Variants in MAST4 observed in about 807,000 individuals in gnomAD.
The protein encoded by MAST4 is microtubule-associated serine/threonine-protein kinase 4.
MAST4 carries 89 observed loss-of-function variants against 162.7 expected under a neutral mutation model. That is an observed-to-expected ratio of 0.55 (90% CI 0.46 to 0.65). The LOEUF is 0.65. MAST4 is among the 30% of genes least tolerant of loss of function. The pLI is 0.00. For synonymous variants in MAST4, 1,479 were observed against 1,361.1 expected (o/e 1.09, Z -1.91); for missense variants, 3,153 against 3,374.0 (o/e 0.93, Z 1.62).
intron 3 of MAST4, among the ~76,000 whole-genome samples, chr5:66,850,276 C>T (rs977094706): frequency 6.6e-5 from 10 of 152,152 alleles, no homozygotes; most frequent in Non-Finnish European, 8.8e-5. Context: ...CTTCATCTTT[C>T]GGTTAAGAAC....
chr5:66,691,319 A>G lies in MAST4; in HGVS notation c.364-68390A>G, dbSNP rs531370985. 4.6e-5 allele frequency among the ~76,000 whole-genome samples: 7 copies of G among 152,340 alleles called. 1 individual carries two copies. Among genetic ancestry groups the G allele is most frequent in the African/African-American group, 1.4e-4 (6 of 41,580 alleles). ...GGTTATGATAGCTTAATTTTAAATT[A>G]CTACTTTTTCAAGTGTCTTAACTCC... On this transcript the variant is annotated intron_variant, in intron 1 of 28. Transcript: ENST00000403625.
At chr5:66,760,756 T>G (rs1561312930) in intron 2 of MAST4, among the ~76,000 whole-genome samples, 1 of 152,212 alleles carries the variant, frequency 6.6e-6, no homozygotes, top group Non-Finnish European at 1.5e-5. Flanking sequence ...GGTTCTAGTG[T>G]TCTATACTAC....
At chr5:66,835,046 A>G (rs1169528562) in intron 3 of MAST4, among the ~76,000 whole-genome samples, 1 of 152,110 alleles carries the variant, frequency 6.6e-6, no homozygotes, top group Non-Finnish European at 1.5e-5. Flanking sequence ...ATGCACCTAC[A>G]CCACCCATCT....
intron 4 of MAST4, among the ~76,000 whole-genome samples, chr5:67,003,291 C>A (rs374867336): frequency 3.3e-5 from 5 of 152,080 alleles, no homozygotes; most frequent in Admixed American, 1.3e-4. Flanking sequence ...TTGCAAGGAT[C>A]TGTGGAGGCT....
chr5:66,960,885 C>A (rs188221003), intron 4 of MAST4, among the ~76,000 whole-genome samples: 1 of 152,224 alleles, frequency 6.6e-6, no homozygotes, highest in East Asian at 1.9e-4. Context: ...ACCTTGCCAG[C>A]GTCGACACAG....
chr5:66,824,023 A>G (rs776887191), intron 3 of MAST4, among the ~76,000 whole-genome samples: 14 of 152,206 alleles, frequency 9.2e-5, no homozygotes, highest in Non-Finnish European at 1.9e-4. Context: ...GCAGCTATCT[A>G]TGAATGGAAA....
At chr5:66,820,983 G>A (rs1756967129) in intron 3 of MAST4, among the ~76,000 whole-genome samples, 2 of 152,156 alleles carry the variant, frequency 1.3e-5, no homozygotes, top group South Asian at 2.1e-4. Context: ...ATCACCAATC[G>A]CATACATTTA....
At chr5:66,880,153 G>A (rs1761597213) in intron 3 of MAST4, among the ~76,000 whole-genome samples, 1 of 152,122 alleles carries the variant, frequency 6.6e-6, no homozygotes, top group Admixed American at 6.6e-5. Flanking sequence ...CTGATCAGAG[G>A]GAAAAGTCAA....
intron 1 of MAST4, among the ~76,000 whole-genome samples, chr5:66,743,874 AAG>A (rs1298384387): frequency 1.3e-5 from 2 of 152,100 alleles, no homozygotes; most frequent in Non-Finnish European, 2.9e-5. Flanking sequence ...TGTTTTGGCT[AAG>A]AGAGAGATGA....
At chr5:67,090,948 G>T (rs1010300481) in intron 6 of MAST4, among the ~76,000 whole-genome samples, 1 of 151,820 alleles carries the variant, frequency 6.6e-6, no homozygotes, top group Non-Finnish European at 1.5e-5. Flanking sequence ...TGCATAGCTT[G>T]TCCTCCTCTG....
intron 4 of MAST4, among the ~76,000 whole-genome samples, chr5:66,974,532 T>C (rs945763112): frequency 1.3e-5 from 2 of 152,230 alleles, no homozygotes; most frequent in Non-Finnish European, 1.5e-5. Context: ...TCAGAAGTAT[T>C]ACTAACAACG....
chr5:66,604,750 C>T (rs988225893), intron 1 of MAST4, among the ~76,000 whole-genome samples: 2 of 152,178 alleles, frequency 1.3e-5, no homozygotes, highest in South Asian at 2.1e-4. Flanking sequence ...CAAAAATAAT[C>T]TCAGACTTCC....
intron 4 of MAST4, among the ~76,000 whole-genome samples, chr5:67,052,099 TTAA>T (rs1327202138): frequency 6.6e-6 from 1 of 152,180 alleles, no homozygotes; most frequent in African/African-American, 2.4e-5. Flanking sequence ...TACCCATACC[TTAA>T]ATATGGTAAA....
intron 4 of MAST4, among the ~76,000 whole-genome samples, chr5:66,972,224 G>A (rs1747525224): frequency 6.6e-6 from 1 of 152,270 alleles, no homozygotes; most frequent in African/African-American, 2.4e-5. Context: ...AAGTGATAGT[G>A]AATGATGAGG....
chr5:66,798,702 A>G (rs1170084623), intron 3 of MAST4, among the ~76,000 whole-genome samples: 1 of 152,206 alleles, frequency 6.6e-6, no homozygotes, highest in Non-Finnish European at 1.5e-5. Flanking sequence ...ACAGGCGTAT[A>G]CATTTATCAT....
At chr5:67,006,269 C>G (rs1752021863) in intron 4 of MAST4, among the ~76,000 whole-genome samples, 1 of 152,146 alleles carries the variant, frequency 6.6e-6, no homozygotes, top group African/African-American at 2.4e-5. Flanking sequence ...AGTGTTGATA[C>G]CACTAAACTA....
chr5:66,963,100 G>A (rs184905006), intron 4 of MAST4, among the ~76,000 whole-genome samples: 2 of 152,170 alleles, frequency 1.3e-5, no homozygotes, highest in Non-Finnish European at 2.9e-5. Flanking sequence ...TTCATTGACA[G>A]TTGGATTTGA....
intron 5 of MAST4, among the ~76,000 whole-genome samples, chr5:67,088,148 G>T (rs1279757926): frequency 6.6e-6 from 1 of 152,126 alleles, no homozygotes; most frequent in Non-Finnish European, 1.5e-5. Context: ...TCAATTCTTT[G>T]TTTCTTCTTT....
chr5:67,001,575 C>A (rs1220177307), intron 4 of MAST4: 2 of 152,140 alleles, frequency 1.3e-5, no homozygotes, highest in Non-Finnish European at 2.9e-5. Context: ...ACATATGATG[C>A]CTGCAGATTG....
Sources: allele counts gnomAD v4.1 joint callset (sites outside exome capture counted in the v4.1 genomes callset), GRCh38; gene constraint gnomAD v4.1.1; transcripts MANE v1.5; gene names NCBI Gene and HGNC (gene_info 2026-07-23, HGNC 2026-07-21).